BTBD16: variants seen among roughly 807,000 people sequenced by gnomAD.
The protein encoded by BTBD16 is BTB/POZ domain-containing protein 16.
A neutral mutation model predicts 67.4 loss-of-function variants in BTBD16; 66 were observed. That is an observed-to-expected ratio of 0.98 (90% CI 0.80 to 1.20). The LOEUF is 1.20. BTBD16 is among the 50% of genes most tolerant of loss of function. The probability of loss-of-function intolerance (pLI) is 0.00; values close to 1 mark genes in which losing one functional copy is unlikely to be tolerated. For missense variants in BTBD16, 634 were observed against 616.0 expected (o/e 1.03, Z -0.31); for synonymous variants, 242 against 236.4 (o/e 1.02, Z -0.22).
chr10:122,298,268 G>A (rs1262573396), intron 8 of BTBD16, among the ~76,000 whole-genome samples: 5 of 152,106 alleles, frequency 3.3e-5, no homozygotes, highest in Admixed American at 6.5e-5. Context: ...GAACCAGCTG[G>A]GTCCAAAGCC....
At chr10:122,324,068 T>C (rs1245012046) in intron 10 of BTBD16, among the ~76,000 whole-genome samples, 1 of 152,214 alleles carries the variant, frequency 6.6e-6, no homozygotes, top group Non-Finnish European at 1.5e-5. Flanking sequence ...TCCCAACTTC[T>C]AGATTCCCCT....
rs58984425 is a variant in BTBD16 at position 122,313,257 on chromosome 10, GTTT to G, written c.911+5960_911+5962del. On this transcript the variant is annotated intron_variant, in intron 10 of 15. Coordinates refer to ENST00000260723, the MANE Select transcript of BTBD16 (RefSeq NM_144587.5). ...AAGCCTTTCTTTTATAGTTAGTGCT[GTTT>G]TTTTTTTTTTGTTTTTTTTTTTGAG... 5.3e-4 allele frequency among the ~76,000 whole-genome samples: 74 copies of G among 139,138 alleles called. No homozygotes were observed. The South Asian group carries it at 6.1e-3, about 11-fold the overall frequency. 91.3% of individuals were successfully genotyped at this position (139,138 alleles called of 152,430 possible). A position where few individuals can be genotyped will look rare whatever the true frequency, so the allele number is the denominator to read the frequency against.
chr10:122,281,553 C>A (rs1464215376), intron 3 of BTBD16, among the ~76,000 whole-genome samples: 1 of 152,168 alleles, frequency 6.6e-6, no homozygotes, highest in Admixed American at 6.5e-5. Context: ...GAGCATGATA[C>A]CATGCCAGGC....
At chr10:122,305,466 G>T (rs758374550) in intron 9 of BTBD16, among the ~76,000 whole-genome samples, 5 of 152,098 alleles carry the variant, frequency 3.3e-5, no homozygotes, top group African/African-American at 4.8e-5. Flanking sequence ...ATTTCAAAGG[G>T]TGTGGCACCT....
At chr10:122,330,596 C>T (rs1652663397) in intron 11 of BTBD16, among the ~76,000 whole-genome samples, 1 of 152,180 alleles carries the variant, frequency 6.6e-6, no homozygotes, top group South Asian at 2.1e-4. Flanking sequence ...TAATATGTTA[C>T]ACTTAAATTG....
intron 10 of BTBD16, among the ~76,000 whole-genome samples, chr10:122,316,613 A>T (rs571299374): frequency 6.6e-6 from 1 of 152,168 alleles, no homozygotes; most frequent in South Asian, 2.1e-4. Context: ...TTGTAACACA[A>T]TGGTAAGTAT....
intron 10 of BTBD16, among the ~76,000 whole-genome samples, chr10:122,319,013 G>A (rs549737982): frequency 9.9e-5 from 15 of 152,112 alleles, no homozygotes; most frequent in Non-Finnish European, 1.3e-4. Flanking sequence ...ATGCTTATTT[G>A]TCCTTCATTT....
In BTBD16 at chr10:122,327,637, G is replaced by T; in HGVS notation, c.912-1843G>T. ...CTCTCCATGTCATCCACAAAAGTGGGCATCATTGCCACTTCCCAGAGGCCC... is the reference window on the plus strand; with the variant it reads ...CTCTCCATGTCATCCACAAAAGTGGTCATCATTGCCACTTCCCAGAGGCCC... On this transcript the variant is annotated intron_variant, in intron 10 of 15. Coordinates refer to ENST00000260723, the MANE Select transcript of BTBD16 (RefSeq NM_144587.5). The T allele has an allele frequency of 5.1e-6, 5 of 985,404 alleles. 1 individual carries two copies. The South Asian group carries it at 2.3e-4, about 46-fold the overall frequency. 61.0% of individuals were successfully genotyped at this position (985,404 alleles called of 1,614,324 possible).
intron 15 of BTBD16, among the ~76,000 whole-genome samples, chr10:122,337,285 C>T (rs1433750916): frequency 6.6e-6 from 1 of 152,182 alleles, no homozygotes; most frequent in Non-Finnish European, 1.5e-5. Flanking sequence ...ATAGATACTC[C>T]ATGGATCGGG....
chr10:122,328,644 G>A (rs1161069016), intron 10 of BTBD16: 1 of 461,682 alleles, frequency 2.2e-6, no homozygotes, highest in African/African-American at 2.1e-5. Context: ...AGTACCCTGG[G>A]TGGGTCCTAT....
At chr10:122,315,688 A>G (rs2096422820) in intron 10 of BTBD16, among the ~76,000 whole-genome samples, 1 of 152,170 alleles carries the variant, frequency 6.6e-6, no homozygotes, top group South Asian at 2.1e-4. Context: ...TATATATAGT[A>G]TTATTAAGAT....
intron 7 of BTBD16, among the ~76,000 whole-genome samples, chr10:122,296,534 G>C (rs1025287288): frequency 2.6e-5 from 4 of 152,184 alleles, no homozygotes; most frequent in Non-Finnish European, 5.9e-5. Flanking sequence ...GATCCCAGTG[G>C]CTACTCTCGG....
At chr10:122,274,358 C>T (rs1439787146) in intron 1 of BTBD16, among the ~76,000 whole-genome samples, 1 of 152,214 alleles carries the variant, frequency 6.6e-6, no homozygotes, top group Admixed American at 6.5e-5. Context: ...CAGCGCCTGA[C>T]AACAACAGCC....
In BTBD16 at chr10:122,286,212, A is replaced by G. The variant is rs1444793865; in HGVS notation, c.349A>G (p.Thr117Ala). The change falls in exon 5 of 16, where the codon ACA becomes GCA. Residue 117 changes from threonine to alanine, a missense_variant. Transcript: ENST00000260723. ...CCTGAAAGCCCTGGCGCAGGGCACC[A>G]CACACCCCCTGAGGGAGCTGGAGGA... Reference protein sequence around the residue: ...LYLKALAQGTTHPLRELEELL... With the variant: ...LYLKALAQGTAHPLRELEELL... 5.0e-6 allele frequency: 8 copies of G among 1,613,576 alleles called. No individual in the cohort carries two copies. Among genetic ancestry groups the G allele is most frequent in the Non-Finnish European group, 6.8e-6 (8 of 1,179,588 alleles).
At chr10:122,273,221 G>GATATATATATATATATATATATATAT (rs71715395) in intron 1 of BTBD16, among the ~76,000 whole-genome samples, 74 of 129,414 alleles carry the variant, frequency 5.7e-4, no homozygotes, top group Admixed American at 8.9e-4. Context: ...GCAACACAAA[G>GATATATATATATATATATATATATAT]ATATATATAT....
intron 4 of BTBD16, 22 bp downstream of exon 4, chr10:122,283,946 A>G (rs1401229320): frequency 5.1e-6 from 8 of 1,570,448 alleles, no homozygotes; most frequent in African/African-American, 2.7e-5. Context: ...TTATCCATGG[A>G]TTAAGCCAGA....
At chr10:122,286,368 C>T in intron 5 of BTBD16, 120 bp downstream of exon 5, 4 of 1,400,492 alleles carry the variant, frequency 2.9e-6, no homozygotes, top group African/African-American at 1.4e-5. Flanking sequence ...GAGTAAGGCT[C>T]CACAGTGTTA....
intron 7 of BTBD16, among the ~76,000 whole-genome samples, chr10:122,296,708 C>G (rs751105933): frequency 6.6e-6 from 1 of 152,096 alleles, no homozygotes; most frequent in Non-Finnish European, 1.5e-5. Context: ...TGGAGGGAGG[C>G]AAGGAACCAG....
intron 9 of BTBD16, among the ~76,000 whole-genome samples, chr10:122,299,547 C>T (rs548006302): frequency 7.9e-5 from 12 of 152,032 alleles, no homozygotes; most frequent in Admixed American, 2.6e-4. Flanking sequence ...CGTATCTGAT[C>T]GCCTGCTTGA....
Sources: gnomAD v4.1 joint callset for allele counts (sites outside exome capture counted in the v4.1 genomes callset) on GRCh38, gnomAD v4.1.1 for gene constraint, MANE v1.5 for transcripts, NCBI Gene and HGNC (gene_info 2026-07-23, HGNC 2026-07-21) for gene names.